The following TMOD1 variants were observed in gnomAD, a reference collection of about 807,000 sequenced individuals.
TMOD1 encodes the protein tropomodulin-1.
TMOD1 carries 17 observed loss-of-function variants against 40.6 expected under a neutral mutation model. The ratio of observed to expected loss-of-function variants is 0.42; its 90% confidence interval spans 0.29 to 0.63. The LOEUF is 0.63. TMOD1 is among the 20% of genes least tolerant of loss of function. The pLI is 0.22. For missense variants in TMOD1, 391 were observed against 447.6 expected (o/e 0.87, Z 1.14); for synonymous variants, 181 against 175.0 (o/e 1.03, Z -0.27).
chr9:97,559,792 A>ATATATAT (rs1465118191), intron 4 of TMOD1, among the ~76,000 whole-genome samples: 43 of 35,048 alleles, frequency 1.2e-3, no homozygotes, highest in South Asian at 4.3e-3. Flanking sequence ...AAAAAAAAAA[A>ATATATAT]AAATATATAT....
At chr9:97,501,392 A>G (rs1433538189), upstream of TMOD1, 1 of 152,210 alleles carries the variant, frequency 6.6e-6, no homozygotes, top group East Asian at 1.9e-4. Context: ...ACATAACTCT[A>G]CCGTCGCTCA....
intron 2 of TMOD1, among the ~76,000 whole-genome samples, chr9:97,538,879 C>T (rs1188549146): frequency 2.0e-5 from 3 of 151,874 alleles, no homozygotes. Context: ...GTGGCATGCA[C>T]CTGTAATCCC....
chr9:97,559,843 CTATCTA>C (rs1830610481), intron 4 of TMOD1, among the ~76,000 whole-genome samples: 1 of 78,372 alleles, frequency 1.3e-5, no homozygotes, highest in Non-Finnish European at 2.3e-5. Context: ...ATCTATCTAT[CTATCTA>C]TCTCCAGAGA....
At chr9:97,522,914 C>A (rs1025418556) in intron 1 of TMOD1, among the ~76,000 whole-genome samples, 1 of 152,108 alleles carries the variant, frequency 6.6e-6, no homozygotes, top group African/African-American at 2.4e-5. Context: ...TGATTCTATG[C>A]ACAGTACTAC....
chr9:97,531,330 G>T (rs1184923023), intron 2 of TMOD1, among the ~76,000 whole-genome samples: 1 of 152,134 alleles, frequency 6.6e-6, no homozygotes, highest in Non-Finnish European at 1.5e-5. Flanking sequence ...CTGAGAACAG[G>T]CTGGGTGTGG....
chr9:97,594,075 G>A (rs375608221), intron 9 of TMOD1, among the ~76,000 whole-genome samples: 4 of 152,158 alleles, frequency 2.6e-5, no homozygotes, highest in Admixed American at 1.3e-4. Flanking sequence ...GGGGCCTGGC[G>A]ATGGAAGCAG....
At chr9:97,572,807 C>T (rs886701262) in intron 8 of TMOD1, among the ~76,000 whole-genome samples, 7 of 152,176 alleles carry the variant, frequency 4.6e-5, no homozygotes, top group Admixed American at 2.6e-4. Flanking sequence ...CAGGGTGACA[C>T]GGAGCTGGCT....
At chr9:97,592,520 G>A (rs1044971852) in intron 9 of TMOD1, among the ~76,000 whole-genome samples, 5 of 152,102 alleles carry the variant, frequency 3.3e-5, no homozygotes, top group African/African-American at 1.2e-4. Context: ...TTTCTCATCA[G>A]ATTCAAACCT....
At chr9:97,506,270 A>G (rs1355615228) in intron 1 of TMOD1, among the ~76,000 whole-genome samples, 3 of 152,212 alleles carry the variant, frequency 2.0e-5, no homozygotes, top group East Asian at 1.9e-4. Flanking sequence ...GAACCACCCA[A>G]TGATGTATCT....
At chr9:97,537,140 T>C (rs1397040543) in intron 2 of TMOD1, among the ~76,000 whole-genome samples, 1 of 152,222 alleles carries the variant, frequency 6.6e-6, no homozygotes, top group Non-Finnish European at 1.5e-5. Flanking sequence ...TGCCTCAGTT[T>C]CCCCAATGGA....
rs1339591838 is a variant in TMOD1, at chr9:97,601,452, T to G, written c.*1754T>G. On this transcript the variant is annotated 3_prime_UTR_variant, in exon 10 of 10. Coordinates refer to ENST00000259365, the MANE Select transcript of TMOD1 (RefSeq NM_003275.4). Reference sequence around the variant, plus strand: ...GCTCCCAGAGAGAACATTTAAAAGCTCAGAGAGTAAGTGCTGGGGAAAGCA... The same window carrying G: ...GCTCCCAGAGAGAACATTTAAAAGCGCAGAGAGTAAGTGCTGGGGAAAGCA... The G allele has an allele frequency of 9.8e-7, 1 of 1,016,198 alleles. No individual in the cohort carries two copies. Among genetic ancestry groups the G allele is most frequent in the Non-Finnish European group, 1.2e-6 (1 of 848,016 alleles). The allele number at this position is 1,016,198 out of a possible 1,614,324, so 62.9% of individuals were successfully genotyped here.
At chr9:97,581,127 G>A (rs1215417701) in intron 8 of TMOD1, among the ~76,000 whole-genome samples, 5 of 141,232 alleles carry the variant, frequency 3.5e-5, no homozygotes, top group African/African-American at 7.9e-5. Context: ...TATATCTCCC[G>A]ATGCTATCCC....
chr9:97,601,635 C>T lies in TMOD1; in HGVS notation c.*1937C>T. 3.1e-6 allele frequency: 3 copies of T among 977,140 alleles called. No individual in the cohort carries two copies. Among genetic ancestry groups the T allele is most frequent in the South Asian group, 9.4e-5 (2 of 21,234 alleles). 60.5% of individuals were successfully genotyped at this position (977,140 alleles called of 1,614,324 possible). On this transcript the variant is annotated 3_prime_UTR_variant, in exon 10 of 10. Coordinates refer to ENST00000259365, the MANE Select transcript of TMOD1 (RefSeq NM_003275.4). ...GTAAAAGGCCAGACAGTAAAAATTT[C>T]CGATTTTGCAGGCCACATAGTGTCT...
chr9:97,569,124 G>A lies in TMOD1; in HGVS notation c.870+87G>A, dbSNP rs932048465. ...TTCCCATGCTGCTGGATGGAGCTGA[G>A]AATGCTGATGATAGAAGCTCAGAGC... On this transcript the variant is annotated intron_variant, in intron 8 of 9. Coordinates refer to ENST00000259365, the MANE Select transcript of TMOD1 (RefSeq NM_003275.4). The A allele has an allele frequency of 1.4e-5, 21 of 1,535,762 alleles. No homozygotes were observed. The African/African-American group carries it at 2.5e-4, about 18-fold the overall frequency.
At chr9:97,594,781 C>T (rs1007150390) in intron 9 of TMOD1, among the ~76,000 whole-genome samples, 1 of 152,222 alleles carries the variant, frequency 6.6e-6, no homozygotes, top group African/African-American at 2.4e-5. Flanking sequence ...TGGATCCCAT[C>T]TGCGTTTTCC....
At chr9:97,519,280 A>G (rs1829878558) in intron 1 of TMOD1, among the ~76,000 whole-genome samples, 1 of 152,130 alleles carries the variant, frequency 6.6e-6, no homozygotes, top group East Asian at 1.9e-4. Context: ...TCACTGTCCA[A>G]CCTGCCGAGT....
chr9:97,583,697 C>T (rs553687530), intron 8 of TMOD1, among the ~76,000 whole-genome samples: 2 of 138,238 alleles, frequency 1.4e-5, no homozygotes, highest in South Asian at 2.5e-4. Flanking sequence ...TTGGTCTATT[C>T]AGAGATTCAA....
At chr9:97,561,462 T>A (rs1436128172) in intron 4 of TMOD1, among the ~76,000 whole-genome samples, 1 of 152,170 alleles carries the variant, frequency 6.6e-6, no homozygotes, top group African/African-American at 2.4e-5. Flanking sequence ...TTGGGTTAAT[T>A]GGTCTAGGGT....
At chr9:97,570,166 C>A (rs1830796729) in intron 8 of TMOD1, among the ~76,000 whole-genome samples, 1 of 152,168 alleles carries the variant, frequency 6.6e-6, no homozygotes, top group South Asian at 2.1e-4. Context: ...AGGCATGTAA[C>A]CCCTGTCCAG....
Sources: gnomAD v4.1 joint callset for allele counts (sites outside exome capture counted in the v4.1 genomes callset) on GRCh38, gnomAD v4.1.1 for gene constraint, MANE v1.5 for transcripts, NCBI Gene and HGNC (gene_info 2026-07-23, HGNC 2026-07-21) for gene names.